Variants in MRPS22 observed in about 807,000 individuals in gnomAD.
MRPS22 encodes mitochondrial ribosomal protein S22.
MRPS22 carries 30 observed loss-of-function variants against 44.0 expected under a neutral mutation model. The observed-to-expected ratio is 0.68, with a 90% CI of 0.51 to 0.93. The LOEUF is 0.93. Among genes scored for constraint, MRPS22 ranks in the 40% least tolerant of loss-of-function variants. The pLI is 0.00. For missense variants in MRPS22, 447 were observed against 447.8 expected (o/e 1.00, Z 0.02); for synonymous variants, 165 against 154.4 (o/e 1.07, Z -0.51).
At chr3:139,354,162 T>A (rs978102332) in intron 6 of MRPS22, among the ~76,000 whole-genome samples, 2 of 152,156 alleles carry the variant, frequency 1.3e-5, no homozygotes, top group African/African-American at 4.8e-5. Context: ...CAGTAGAGGG[T>A]GCATATCCTC....
At chr3:139,345,445 T>TG (rs1264519723) in intron 1 of MRPS22, among the ~76,000 whole-genome samples, 31 of 140,514 alleles carry the variant, frequency 2.2e-4, no homozygotes, top group Admixed American at 2.1e-4. Context: ...GGTGTTTTTT[T>TG]TTTTGTTTTT....
At chr3:139,349,782 A>G (rs950524258) in intron 3 of MRPS22, among the ~76,000 whole-genome samples, 1 of 152,248 alleles carries the variant, frequency 6.6e-6, no homozygotes, top group Non-Finnish European at 1.5e-5. Flanking sequence ...TTTTATCCCA[A>G]GGACTTTAAA....
In MRPS22 at chr3:139,344,654, T is replaced by C. The variant is rs540923191; in HGVS notation, c.172+456T>C. 343 of 693,658 alleles carry C rather than the reference T, an allele frequency of 4.9e-4. 4 individuals carry two copies. Among genetic ancestry groups the C allele is most frequent in the South Asian group, 4.5e-3 (295 of 65,906 alleles). 43.0% of individuals were successfully genotyped at this position (693,658 alleles called of 1,614,324 possible). A position where few individuals can be genotyped will look rare whatever the true frequency, so the allele number is the denominator to read the frequency against. ...GAGAAAGCAAGAAGCTTCTCAAGCA[T>C]AGGGGACAGTAGCAGATGTCCAGAA... On this transcript the variant is annotated intron_variant, in intron 1 of 7. Transcript: ENST00000680020.
chr3:139,354,117 CAGA>C (rs1941201276), intron 6 of MRPS22, among the ~76,000 whole-genome samples: 1 of 152,160 alleles, frequency 6.6e-6, no homozygotes, highest in Admixed American at 6.5e-5. Flanking sequence ...TCATTCTGAA[CAGA>C]AGAGTGAGCT....
rs372691699 is a variant in MRPS22, at chr3:139,347,048, C to A, written c.339+4C>A. 6.2e-7 allele frequency: 1 copy of A among 1,613,902 alleles called. No individual in the cohort carries two copies. Among genetic ancestry groups the A allele is most frequent in the Non-Finnish European group, 8.5e-7 (1 of 1,179,952 alleles). On this transcript the variant is annotated splice_donor_region_variant and intron_variant, in intron 2 of 7. Transcript: ENST00000680020. The stretch of plus-strand genomic sequence containing the variant: ...GACTCAGGCACAGTTGGAAGAGGTA[C>A]GTGAATGCAGGAATATTGTTAGAAT...
Position 139,357,024 on chromosome 3 carries a change from A to T in MRPS22, c.*10A>T, listed in dbSNP as rs777482542. The T allele has an allele frequency of 9.5e-6, 15 of 1,577,652 alleles. No homozygotes were observed. The highest frequency in any genetic ancestry group is 3.3e-5 in the South Asian group (3 of 89,572). On this transcript the variant is annotated 3_prime_UTR_variant, in exon 8 of 8. Coordinates refer to ENST00000680020, the MANE Select transcript of MRPS22 (RefSeq NM_020191.4). The stretch of plus-strand genomic sequence containing the variant: ...TTCTGCAGCTTCCTAAAAATATTTT[A>T]AAAATACATTTATTTTACTAAATAC...
At chr3:139,355,898 C>T (rs1310853597) in intron 7 of MRPS22, 108 bp downstream of exon 7, 6 of 797,102 alleles carry the variant, frequency 7.5e-6, no homozygotes, top group Non-Finnish European at 1.3e-5. Context: ...GAATATGGGA[C>T]ATCTGTGGTC....
At position 139,355,678 on chromosome 3, in the gene MRPS22, T is replaced by C. The variant is rs1309494720; in HGVS notation, c.879-4T>C. On this transcript the variant is annotated splice_polypyrimidine_tract_variant and splice_region_variant and intron_variant, in intron 6 of 7. Transcript: ENST00000680020. Reference sequence around the variant, plus strand: ...TAGATAACATTAAACCCTTTCATTCTCAGAATCGATGATGCAACCAACTTG... The same window carrying C: ...TAGATAACATTAAACCCTTTCATTCCCAGAATCGATGATGCAACCAACTTG... 14 of 1,612,844 alleles carry C rather than the reference T, an allele frequency of 8.7e-6. No homozygotes were observed. The highest frequency in any genetic ancestry group is 1.2e-5 in the Non-Finnish European group (14 of 1,178,834).
At chr3:139,351,109 T>C in intron 5 of MRPS22, 49 bp downstream of exon 5, 1 of 1,345,728 alleles carries the variant, frequency 7.4e-7, no homozygotes. Flanking sequence ...TGGTTATGAG[T>C]AAGATTTTTA....
Position 139,350,984 on chromosome 3 carries a change from A to G in MRPS22, c.656A>G (p.Tyr219Cys). 1 of 1,613,996 alleles carries G rather than the reference A, an allele frequency of 6.2e-7. No homozygotes were observed. The highest frequency in any genetic ancestry group is 1.1e-5 in the South Asian group (1 of 91,076). Residue 219 changes from tyrosine to cysteine, a missense_variant, in exon 5 of 8, where the codon TAT becomes TGT. By Grantham distance (194) the Tyr-to-Cys change is radical. Coordinates refer to ENST00000680020, the MANE Select transcript of MRPS22 (RefSeq NM_020191.4). ...TCTGCTGTGTGGTTTTAGACTATGT[A>G]TAGCCAGGACAGGCATGTTGATGTC... ...IFKEENLRTMYSQDRHVDVLN... is the reference protein window; with the variant it reads ...IFKEENLRTMCSQDRHVDVLN...
chr3:139,348,334 T>C lies in MRPS22; in HGVS notation c.504+10T>C. 6.2e-7 allele frequency: 1 copy of C among 1,612,828 alleles called. No homozygotes were observed. The highest frequency in any genetic ancestry group is 8.5e-7 in the Non-Finnish European group (1 of 1,179,194). On this transcript the variant is annotated intron_variant, in intron 3 of 7. Transcript: ENST00000680020. ...TAGCATACCACACCGGGTGAGTATA[T>C]GTCTAATCGCAAAATGATCTTTCTT...
At chr3:139,354,903 A>T (rs1019285277) in intron 6 of MRPS22, among the ~76,000 whole-genome samples, 1 of 152,202 alleles carries the variant, frequency 6.6e-6, no homozygotes, top group Admixed American at 6.5e-5. Context: ...ATGGTGGGAA[A>T]GTGTCAGCTG....
chr3:139,344,609 A>G (rs1295725179), intron 1 of MRPS22: 1 of 650,530 alleles, frequency 1.5e-6, no homozygotes, highest in Non-Finnish European at 2.7e-6. Context: ...CAAAGCTGAG[A>G]TCTGGTTAGC....
rs549418666 is a variant in MRPS22, at chr3:139,350,480, T to C, written c.648+158T>C. The C allele has an allele frequency of 2.3e-4, 180 of 776,474 alleles. No individual in the cohort carries two copies. In the African/African-American group the frequency reaches 3.1e-3, roughly 13 times the overall value. 48.1% of individuals were successfully genotyped at this position (776,474 alleles called of 1,614,324 possible). A position where few individuals can be genotyped will look rare whatever the true frequency, so the allele number is the denominator to read the frequency against. ...TTCGCTCCTTTTGCCCAGGCTGAAG[T>C]GCAGTGGCGGGATCTCAGCTCACTG... On this transcript the variant is annotated intron_variant, in intron 4 of 7. Transcript: ENST00000680020.
intron 6 of MRPS22, among the ~76,000 whole-genome samples, chr3:139,354,729 G>T (rs1941212183): frequency 8.5e-5 from 13 of 152,132 alleles, no homozygotes; most frequent in Admixed American, 7.2e-4. Flanking sequence ...GGGGAACGCA[G>T]GGAAGGCTGA....
intron 6 of MRPS22, among the ~76,000 whole-genome samples, chr3:139,354,203 T>A (rs1941203397): frequency 6.6e-6 from 1 of 152,236 alleles, no homozygotes; most frequent in South Asian, 2.1e-4. Context: ...GAATTAGGAT[T>A]CTGCACACAT....
At chr3:139,352,456 C>T in intron 5 of MRPS22, 191 bp from the exon 6 acceptor site, 1 of 538,976 alleles carries the variant, frequency 1.9e-6, no homozygotes, top group Non-Finnish European at 3.4e-6. Context: ...TAATAGAATC[C>T]TCCTTCCCAC....
In MRPS22 at chr3:139,350,497, A is replaced by C; in HGVS notation, c.648+175A>C. The C allele has an allele frequency of 1.3e-5, 8 of 638,496 alleles. 1 individual carries two copies. Among genetic ancestry groups the C allele is most frequent in the Non-Finnish European group, 1.1e-5 (4 of 378,956 alleles). 39.6% of individuals were successfully genotyped at this position (638,496 alleles called of 1,614,324 possible). ...GGCTGAAGTGCAGTGGCGGGATCTCAGCTCACTGCAACCTCCACCTTCTGG... is the reference window on the plus strand; with the variant it reads ...GGCTGAAGTGCAGTGGCGGGATCTCCGCTCACTGCAACCTCCACCTTCTGG... On this transcript the variant is annotated intron_variant, in intron 4 of 7. Transcript: ENST00000680020.
intron 2 of MRPS22, 99 bp downstream of exon 2, chr3:139,347,143 G>A (rs1284031723): frequency 7.3e-7 from 1 of 1,372,732 alleles, no homozygotes; most frequent in African/African-American, 1.4e-5. Context: ...TCTTCCATAG[G>A]CACTAGTGAA....
Sources: allele counts gnomAD v4.1 joint callset (sites outside exome capture counted in the v4.1 genomes callset), GRCh38; gene constraint gnomAD v4.1.1; transcripts MANE v1.5; gene names NCBI Gene and HGNC (gene_info 2026-07-23, HGNC 2026-07-21).